The following RNF157 variants were observed in gnomAD, a reference collection of about 807,000 sequenced individuals.
The protein encoded by RNF157 is ring finger protein 157, also known as E3 ubiquitin ligase RNF157.
RNF157 carries 55 observed loss-of-function variants against 88.3 expected under a neutral mutation model. The observed-to-expected ratio is 0.62, with a 90% CI of 0.50 to 0.78. The LOEUF (loss-of-function observed/expected upper bound fraction) is 0.78, where lower values mean the gene tolerates loss of function less well. Ranked by LOEUF, RNF157 falls within the 30% of genes least tolerant of loss-of-function variation. RNF157 has a pLI of 0.00. For missense variants in RNF157, 788 were observed against 860.8 expected (o/e 0.92, Z 1.06); for synonymous variants, 334 against 341.2 (o/e 0.98, Z 0.23).
rs1568027972 is a variant in RNF157 at position 76,159,348 on chromosome 17, T to G, written c.1291A>C (p.Lys431Gln). ...DSSSQGLKLKKSLSKSTSQNS... is the reference protein window; with the variant it reads ...DSSSQGLKLKQSLSKSTSQNS... ...CTGGCTACTCACTTGGAGAGACTCT[T>G]TTTGAGTTTGAGTCCCTGACTGCTG... The change falls in exon 12 of 19, where the codon AAG becomes CAG. Residue 431 changes from lysine to glutamine, a missense_variant. Transcript: ENST00000269391. The G allele has an allele frequency of 6.2e-7, 1 of 1,613,132 alleles. No homozygotes were observed. The highest frequency in any genetic ancestry group is 8.5e-7 in the Non-Finnish European group (1 of 1,179,486).
Position 76,148,255 on chromosome 17 carries a change from C to T in RNF157, c.1922-2902G>A, listed in dbSNP as rs114967517. ...TTTCCACTAAAAAGATCCAAATTAT[C>T]TTTGCCTTTTTTTTTTTTTTTTTTT... On this transcript the variant is annotated intron_variant, in intron 18 of 18. Coordinates refer to ENST00000269391, the MANE Select transcript of RNF157 (RefSeq NM_052916.3). Among the ~76,000 whole-genome samples, 1,169 of 140,842 alleles carry T rather than the reference C, an allele frequency of 8.3e-3. 20 individuals carry two copies. Among genetic ancestry groups the T allele is most frequent in the African/African-American group, 0.029 (1,101 of 38,140 alleles). The allele number at this position is 140,842 out of a possible 152,430, so 92.4% of individuals were successfully genotyped here.
At chr17:76,214,940 G>A (rs1364176146) in intron 1 of RNF157, among the ~76,000 whole-genome samples, 3 of 152,072 alleles carry the variant, frequency 2.0e-5, no homozygotes, top group South Asian at 4.2e-4. Context: ...AACGAATGCC[G>A]CTTACCTCTA....
At chr17:76,239,876 GGGCCGATTACAATGGA>G (rs2070347925) in intron 1 of RNF157, among the ~76,000 whole-genome samples, 1 of 152,158 alleles carries the variant, frequency 6.6e-6, no homozygotes. Flanking sequence ...CCCCGTCACG[GGGCCGATTACAATGGA>G]GGCCGCTCCC....
chr17:76,209,993 T>G (rs1169805194), intron 2 of RNF157, among the ~76,000 whole-genome samples: 1 of 152,008 alleles, frequency 6.6e-6, no homozygotes, highest in East Asian at 1.9e-4. Flanking sequence ...CTCTTGACCT[T>G]GTGATCCGCC....
intron 1 of RNF157, among the ~76,000 whole-genome samples, chr17:76,227,662 G>A (rs2070116463): frequency 2.0e-5 from 3 of 152,072 alleles, no homozygotes; most frequent in Admixed American, 6.5e-5. Context: ...CGGATCACCT[G>A]AGGTCGAGAG....
At chr17:76,154,357 T>C (rs754686932) in intron 16 of RNF157, 29 bp from the exon 17 acceptor site, 2 of 1,549,058 alleles carry the variant, frequency 1.3e-6, no homozygotes, top group African/African-American at 1.4e-5. Flanking sequence ...CCTGTGAGTC[T>C]ATGAAGCGGC....
At chr17:76,212,319 T>A in intron 2 of RNF157, 45 bp downstream of exon 2, 1 of 1,297,644 alleles carries the variant, frequency 7.7e-7, no homozygotes, top group Non-Finnish European at 1.1e-6. Flanking sequence ...TTTTTTGAAT[T>A]GGCCACTTAA....
chr17:76,179,914 G>C (rs2069164207), intron 2 of RNF157, among the ~76,000 whole-genome samples: 2 of 152,140 alleles, frequency 1.3e-5, no homozygotes, highest in Admixed American at 1.3e-4. Context: ...CAGAGTTTCT[G>C]TTTTCTTTTT....
chr17:76,227,570 A>G (rs919556639), intron 1 of RNF157, among the ~76,000 whole-genome samples: 4 of 152,032 alleles, frequency 2.6e-5, no homozygotes, highest in Non-Finnish European at 5.9e-5. Flanking sequence ...AATCTGTCCA[A>G]GGTCACACAG....
chr17:76,238,812 G>C (rs921674599), intron 1 of RNF157, among the ~76,000 whole-genome samples: 3 of 152,190 alleles, frequency 2.0e-5, no homozygotes, highest in African/African-American at 7.2e-5. Flanking sequence ...ATTTTATGTA[G>C]TCATAATCAG....
Position 76,155,314 on chromosome 17 carries a change from G to T in RNF157, c.1702C>A (p.Leu568Met). 1 of 1,614,092 alleles carries T rather than the reference G, an allele frequency of 6.2e-7. No individual in the cohort carries two copies. Among genetic ancestry groups the T allele is most frequent in the Non-Finnish European group, 8.5e-7 (1 of 1,179,918 alleles). Reference protein sequence around the residue: ...SRAPSEEGEGLPAESPDSNFA... With the variant: ...SRAPSEEGEGMPAESPDSNFA... ...TTGCTGTCTGGAGACTCCGCTGGCA[G>T]CCCCTGCAGAAGAGCACAGTTTTTA... Residue 568 changes from leucine to methionine, a missense_variant, in exon 16 of 19, where the codon CTG becomes ATG. Physicochemically the swap from Leu to Met is conservative, Grantham distance 15. Transcript: ENST00000269391.
At chr17:76,215,419 G>A (rs1481619954) in intron 1 of RNF157, among the ~76,000 whole-genome samples, 1 of 150,462 alleles carries the variant, frequency 6.6e-6, no homozygotes, top group African/African-American at 2.5e-5. Context: ...AGGTTGCAGC[G>A]AGCTATGATT....
intron 2 of RNF157, among the ~76,000 whole-genome samples, chr17:76,179,418 G>A (rs555126743): frequency 1.3e-5 from 2 of 152,002 alleles, no homozygotes; most frequent in Admixed American, 6.6e-5. Flanking sequence ...GAGGCCAAGC[G>A]TGGTGGTTCA....
At chr17:76,222,277 C>T (rs2069997303) in intron 1 of RNF157, among the ~76,000 whole-genome samples, 1 of 150,254 alleles carries the variant, frequency 6.7e-6, no homozygotes, top group Non-Finnish European at 1.5e-5. Context: ...ACCTGGGAGG[C>T]AGAAGTTGCA....
chr17:76,167,709 G>A lies in RNF157; in HGVS notation c.385C>T (p.Arg129Trp), dbSNP rs375688422. Residue 129 changes from arginine to tryptophan, a missense_variant, in exon 4 of 19, where the codon CGG becomes TGG. Arg to Trp is a moderately radical substitution (Grantham distance 101). Coordinates refer to ENST00000269391, the MANE Select transcript of RNF157 (RefSeq NM_052916.3). ...TGGTAATAGATGGTGATGGCTACCC[G>A]AGCATCTGTGTCAAAGGTGAACTCA... ...NVEFTFDTDA[R>W]VAITIYYQAT... is the part of the protein sequence containing the mutation. 5.6e-6 allele frequency: 9 copies of A among 1,614,044 alleles called. No individual in the cohort carries two copies. Among genetic ancestry groups the A allele is most frequent in the South Asian group, 3.3e-5 (3 of 91,078 alleles).
chr17:76,165,527 T>C lies in RNF157; in HGVS notation c.647A>G (p.His216Arg), dbSNP rs764079854. The change falls in exon 7 of 19, where the codon CAT becomes CGT. Residue 216 changes from histidine (H) to arginine (R), a missense_variant. His to Arg is a conservative substitution (Grantham distance 29, BLOSUM62 0). Transcript: ENST00000269391. ...CTTCTCAAAAGTACCCAGCAGTACA[T>C]GGCAATGGCCAAAATACTCTGAAAG... ...DEGDEYFGHC[H>R]VLLGTFEKHT... 3.1e-6 allele frequency: 5 copies of C among 1,614,214 alleles called. No individual in the cohort carries two copies. The highest frequency in any genetic ancestry group is 4.2e-6 in the Non-Finnish European group (5 of 1,180,024).
In RNF157 at chr17:76,144,349, C is replaced by T. The variant is rs1394800109; in HGVS notation, c.*886G>A. On this transcript the variant is annotated 3_prime_UTR_variant, in exon 19 of 19. Coordinates refer to ENST00000269391, the MANE Select transcript of RNF157 (RefSeq NM_052916.3). ...CTTTTTTTTTTTTTTTCTCTGTCGC[C>T]CAGGCTGGAGTGCATTGGCGCGATC... 6.6e-6 allele frequency: 1 copy of T among 151,390 alleles called. No homozygotes were observed. The highest frequency in any genetic ancestry group is 6.6e-5 in the Admixed American group (1 of 15,222). The allele number at this position is 151,390 out of a possible 1,614,324, so 9.4% of individuals were successfully genotyped here.
chr17:76,161,405 G>A lies in RNF157; in HGVS notation c.1065+130C>T, dbSNP rs1324985375. ...TTGGTTTTAACGCATGCTCTCAGCC[G>A]GCTTGCTAAATACTGCAGCATGCCC... is the stretch of plus-strand genomic sequence containing the variant. On this transcript the variant is annotated intron_variant, in intron 11 of 18. Coordinates refer to ENST00000269391, the MANE Select transcript of RNF157 (RefSeq NM_052916.3). This position sits in a 1 kb window ranked among gnomAD's most constrained non-coding sequence, Gnocchi z 4.6. The A allele has an allele frequency of 1.4e-5, 10 of 737,000 alleles. No individual in the cohort carries two copies. The highest frequency in any genetic ancestry group is 6.9e-5 in the Admixed American group (3 of 43,456). 45.7% of individuals were successfully genotyped at this position (737,000 alleles called of 1,614,324 possible). A position where few individuals can be genotyped will look rare whatever the true frequency, so the allele number is the denominator to read the frequency against.
At chr17:76,227,067 G>A (rs988015912) in intron 1 of RNF157, among the ~76,000 whole-genome samples, 2 of 152,016 alleles carry the variant, frequency 1.3e-5, no homozygotes, top group Admixed American at 6.6e-5. Flanking sequence ...AACTACATCT[G>A]TGGGCAGGCA....
Sources: allele counts gnomAD v4.1 joint callset (sites outside exome capture counted in the v4.1 genomes callset), GRCh38; gene constraint gnomAD v4.1.1; non-coding constraint Gnocchi (gnomAD v3.1); transcripts MANE v1.5; gene names NCBI Gene and HGNC (gene_info 2026-07-23, HGNC 2026-07-21).